The following TRIM44 variants were observed in gnomAD, a reference collection of about 807,000 sequenced individuals.
TRIM44 encodes the protein tripartite motif-containing protein 44.
In TRIM44, 13 loss-of-function variants were observed where a neutral mutation model predicts 37.4. That is an observed-to-expected ratio of 0.35 (90% CI 0.23 to 0.55). The LOEUF is 0.55. TRIM44 is among the 20% of genes least tolerant of loss of function. The pLI, the probability that TRIM44 is intolerant of heterozygous loss-of-function variation, is 0.89. For synonymous variants in TRIM44, 175 were observed against 157.2 expected, an observed-to-expected ratio of 1.11 and a Z score of -0.85; for missense variants, 426 against 437.2, an observed-to-expected ratio of 0.97 and a Z score of 0.23.
chr11:35,760,583 C>T (rs1358326966), intron 4 of TRIM44, among the ~76,000 whole-genome samples: 2 of 152,224 alleles, frequency 1.3e-5, no homozygotes, highest in Non-Finnish European at 2.9e-5. Flanking sequence ...TCTTCTGCGT[C>T]ACTCATGCTG....
intron 4 of TRIM44, among the ~76,000 whole-genome samples, chr11:35,787,240 C>T (rs1853142096): frequency 6.6e-6 from 1 of 152,174 alleles, no homozygotes; most frequent in Non-Finnish European, 1.5e-5. Context: ...GCTGTCACGC[C>T]TCCTTGCCAC....
At chr11:35,742,568 AATTAT>A (rs1410953930) in intron 4 of TRIM44, among the ~76,000 whole-genome samples, 1 of 132,024 alleles carries the variant, frequency 7.6e-6, no homozygotes, top group African/African-American at 2.9e-5. Flanking sequence ...TATTATATAT[AATTAT>A]ATTAATTATA....
rs567238640 is a variant in TRIM44, at chr11:35,809,571, C to T, written c.*3186C>T. The T allele has an allele frequency of 1.3e-5, 2 of 152,254 alleles. No individual in the cohort carries two copies. The highest frequency in any genetic ancestry group is 4.1e-4 in the South Asian group (2 of 4,830). The allele number at this position is 152,254 out of a possible 1,614,324, so 9.4% of individuals were successfully genotyped here. ...AACATTTCCTTTTTCATGCCATCTT[C>T]CATAAATAAGGTGTTTCTTGGCCTT... On this transcript the variant is annotated 3_prime_UTR_variant, in exon 5 of 5. Transcript: ENST00000299413.
At position 35,665,594 on chromosome 11, in the gene TRIM44, T is replaced by TG. The variant is rs200082187; in HGVS notation, c.669+1814_669+1815insG. Among the ~76,000 whole-genome samples, 33 of 136,824 alleles carry TG rather than the reference T, an allele frequency of 2.4e-4. 1 individual carries two copies. Among genetic ancestry groups the TG allele is most frequent in the Admixed American group, 1.9e-3 (26 of 13,984 alleles). 89.8% of individuals were successfully genotyped at this position (136,824 alleles called of 152,430 possible). On this transcript the variant is annotated intron_variant, in intron 1 of 4. Transcript: ENST00000299413. The stretch of plus-strand genomic sequence containing the variant: ...TGAGTTTTTATATATCTGTTTTTTT[T>TG]TTTTTTTTTTTTTTTTTTGAGATAG...
At chr11:35,679,906 A>C (rs1323183045) in intron 1 of TRIM44, among the ~76,000 whole-genome samples, 1 of 152,184 alleles carries the variant, frequency 6.6e-6, no homozygotes, top group Non-Finnish European at 1.5e-5. Flanking sequence ...AGCTCACACA[A>C]GCAGTTGCTG....
chr11:35,771,190 T>C (rs1852864911), intron 4 of TRIM44, among the ~76,000 whole-genome samples: 1 of 152,120 alleles, frequency 6.6e-6, no homozygotes, highest in African/African-American at 2.4e-5. Context: ...TTGACAAAAA[T>C]GCTGATAGTG....
In TRIM44 at chr11:35,817,760, C is replaced by T. The variant is rs1424785334; in HGVS notation, c.*11375C>T. ...AGATTGGATCATGGGGGAGTTTTCT[C>T]ATGATTTAACAACATCCGCCCTTTG... On this transcript the variant is annotated 3_prime_UTR_variant, in exon 5 of 5. Transcript: ENST00000299413. 1 of 152,138 alleles carries T rather than the reference C, an allele frequency of 6.6e-6. No individual in the cohort carries two copies. Among genetic ancestry groups the T allele is most frequent in the Non-Finnish European group, 1.5e-5 (1 of 68,040 alleles). 9.4% of individuals were successfully genotyped at this position (152,138 alleles called of 1,614,324 possible). A position where few individuals can be genotyped will look rare whatever the true frequency, so the allele number is the denominator to read the frequency against.
At chr11:35,673,297 A>T (rs1428112868) in intron 1 of TRIM44, among the ~76,000 whole-genome samples, 1 of 152,176 alleles carries the variant, frequency 6.6e-6, no homozygotes, top group Non-Finnish European at 1.5e-5. Flanking sequence ...TCCTGTGAAG[A>T]TCTAGGGAAA....
At position 35,709,870 on chromosome 11, in the gene TRIM44, T is replaced by C. The variant is rs547172968; in HGVS notation, c.748-16054T>C. ...AATTTAAAGGAGTCTAATTGAAAAA[T>C]GAACAATTTGTGAATCGGGCAGCCC... On this transcript the variant is annotated intron_variant, in intron 2 of 4. Coordinates refer to ENST00000299413, the MANE Select transcript of TRIM44 (RefSeq NM_017583.6). Among the ~76,000 whole-genome samples, 167 of 152,174 alleles carry C rather than the reference T, an allele frequency of 1.1e-3. 1 individual carries two copies. Among genetic ancestry groups the C allele is most frequent in the Non-Finnish European group, 1.7e-3 (118 of 68,006 alleles).
At chr11:35,713,643 A>G (rs1852005635) in intron 2 of TRIM44, among the ~76,000 whole-genome samples, 1 of 152,132 alleles carries the variant, frequency 6.6e-6, no homozygotes, top group Non-Finnish European at 1.5e-5. Flanking sequence ...ACTTGTGAGG[A>G]GATAAGAAAC....
Position 35,663,677 on chromosome 11 carries a change from A to G in TRIM44, c.566A>G (p.Tyr189Cys), listed in dbSNP as rs771838525. ...GACCATGGGCTTGATTTGAGTACCT[A>G]TTGCCAGGAAGATAGGCAGCTCATC... ...CPDHGLDLST[Y>C]CQEDRQLICV... Residue 189 changes from tyrosine (Y) to cysteine (C), a missense_variant, in exon 1 of 5, where the codon TAT (tyrosine) becomes TGT (cysteine). Transcript: ENST00000299413. The G allele has an allele frequency of 3.5e-5, 56 of 1,614,026 alleles. No homozygotes were observed. Among genetic ancestry groups the G allele is most frequent in the South Asian group, 8.8e-5 (8 of 91,082 alleles).
chr11:35,697,205 C>T (rs1295689034), intron 2 of TRIM44, among the ~76,000 whole-genome samples: 2 of 116,000 alleles, frequency 1.7e-5, no homozygotes, highest in Non-Finnish European at 3.5e-5. Flanking sequence ...CTAATGCTAT[C>T]CCTCCCCCTC....
rs186106121 is a variant in TRIM44, at chr11:35,722,495, T to G, written c.748-3429T>G. Among the ~76,000 whole-genome samples the G allele has an allele frequency of 2.9e-3, 438 of 152,310 alleles. 1 individual carries two copies. Among genetic ancestry groups the G allele is most frequent in the African/African-American group, 9.7e-3 (403 of 41,574 alleles). ...GCCCCAAGGGCTGCTGGTTGCCTAT[T>G]TTTATGGTTATCTCTTGATCATATG... On this transcript the variant is annotated intron_variant, in intron 2 of 4. Transcript: ENST00000299413.
In TRIM44 at chr11:35,756,621, A is replaced by G. The variant is rs375907114; in HGVS notation, c.1007+21176A>G. Among the ~76,000 whole-genome samples the G allele has an allele frequency of 4.8e-4, 73 of 152,310 alleles. 1 individual carries two copies. In the East Asian group the frequency reaches 0.013, roughly 26 times the overall value. On this transcript the variant is annotated intron_variant, in intron 4 of 4. Transcript: ENST00000299413. ...GAATGCTTCCAGTTTTTGCCCATTC[A>G]GTATGATATTGGCTGTGGGTTTGTC...
chr11:35,693,239 ACT>A (rs1415507800), intron 2 of TRIM44, among the ~76,000 whole-genome samples: 2 of 152,112 alleles, frequency 1.3e-5, no homozygotes, highest in Non-Finnish European at 2.9e-5. Flanking sequence ...ATCCACAAAG[ACT>A]CAAATATAGA....
chr11:35,699,116 A>G lies in TRIM44; in HGVS notation c.747+13780A>G, dbSNP rs186787874. Among the ~76,000 whole-genome samples the G allele has an allele frequency of 4.1e-5, 6 of 147,244 alleles. 1 individual carries two copies. The highest frequency in any genetic ancestry group is 1.5e-4 in the African/African-American group (6 of 39,768). ...TTGTAGATTAGCGGCATTATTTCTG[A>G]GGGTTCTGTTCTGTTCCATTGGTCT... On this transcript the variant is annotated intron_variant, in intron 2 of 4. Coordinates refer to ENST00000299413, the MANE Select transcript of TRIM44 (RefSeq NM_017583.6).
At chr11:35,744,948 A>G (rs1852468002) in intron 4 of TRIM44, among the ~76,000 whole-genome samples, 1 of 151,926 alleles carries the variant, frequency 6.6e-6, no homozygotes, top group South Asian at 2.1e-4. Context: ...TATGTATCAC[A>G]TTTTCTTTAT....
At chr11:35,752,435 A>G (rs1852569869) in intron 4 of TRIM44, among the ~76,000 whole-genome samples, 1 of 152,168 alleles carries the variant, frequency 6.6e-6, no homozygotes, top group Non-Finnish European at 1.5e-5. Context: ...CCCAGTCAGA[A>G]CACTGCACTA....
At chr11:35,700,388 T>G (rs1028583009) in intron 2 of TRIM44, among the ~76,000 whole-genome samples, 56 of 152,322 alleles carry the variant, frequency 3.7e-4, no homozygotes, top group African/African-American at 1.2e-3. Flanking sequence ...AAAACAATCC[T>G]TTAACCCTCC....
Sources: allele counts gnomAD v4.1 joint callset (sites outside exome capture counted in the v4.1 genomes callset), GRCh38; gene constraint gnomAD v4.1.1; transcripts MANE v1.5; gene names NCBI Gene and HGNC (gene_info 2026-07-23, HGNC 2026-07-21).